The following THSD7A variants were observed in gnomAD, a reference collection of about 807,000 sequenced individuals.
The protein encoded by THSD7A is thrombospondin type-1 domain-containing protein 7A.
THSD7A carries 96 observed loss-of-function variants against 231.3 expected under a neutral mutation model. The observed-to-expected ratio is 0.41, with a 90% CI of 0.35 to 0.49. THSD7A has a LOEUF of 0.49. Ranked by LOEUF, THSD7A falls within the 20% of genes least tolerant of loss-of-function variation. The pLI is 0.05. For missense variants in THSD7A, 2,290 were observed against 2,070.2 expected, an observed-to-expected ratio of 1.11 and a Z score of -2.06; for synonymous variants, 940 against 743.3, an observed-to-expected ratio of 1.26 and a Z score of -4.30.
chr7:11,752,662 T>C (rs1406257618), intron 1 of THSD7A, among the ~76,000 whole-genome samples: 1 of 152,020 alleles, frequency 6.6e-6, no homozygotes, highest in East Asian at 1.9e-4. Flanking sequence ...ACACCTTTAA[T>C]CCCAACACTT....
At position 11,468,704 on chromosome 7, in the gene THSD7A, T is replaced by C. The variant is rs1583798916; in HGVS notation, c.2368+1175A>G. On this transcript the variant is annotated intron_variant, in intron 9 of 27. Transcript: ENST00000423059. ...CAAAAATTAGCCAGGTGTGGTGGCA[T>C]GTGCCTATAGTCTCAGTGACTTGGG... Among the ~76,000 whole-genome samples the C allele has an allele frequency of 2.0e-5, 3 of 152,108 alleles. No individual in the cohort carries two copies. The East Asian group carries it at 5.8e-4, about 30-fold the overall frequency.
chr7:11,487,055 A>G (rs1786687890), intron 6 of THSD7A, among the ~76,000 whole-genome samples: 1 of 152,208 alleles, frequency 6.6e-6, no homozygotes, highest in Non-Finnish European at 1.5e-5. Context: ...TTCTTCAAAA[A>G]TGTAATTTTA....
chr7:11,663,584 T>C (rs533152690), intron 1 of THSD7A, among the ~76,000 whole-genome samples: 42 of 151,698 alleles, frequency 2.8e-4, no homozygotes, highest in African/African-American at 8.0e-4. Context: ...TGAGAAGACA[T>C]ATTACAAGGA....
intron 9 of THSD7A, among the ~76,000 whole-genome samples, chr7:11,466,924 A>G (rs1483315113): frequency 1.3e-5 from 2 of 151,876 alleles, no homozygotes; most frequent in Non-Finnish European, 2.9e-5. Context: ...CATGCCTGCC[A>G]CTCACCACAA....
intron 13 of THSD7A, among the ~76,000 whole-genome samples, chr7:11,436,496 G>GTAAT (rs779534993): frequency 4.6e-5 from 7 of 151,930 alleles, no homozygotes; most frequent in Admixed American, 1.3e-4. Flanking sequence ...TCCCTTTTGG[G>GTAAT]TAATACAAAC....
rs145520394 is a variant in THSD7A at position 11,597,165 on chromosome 7, C to T, written c.1023-3663G>A. Among the ~76,000 whole-genome samples, 431 of 152,232 alleles carry T rather than the reference C, an allele frequency of 2.8e-3. 3 individuals are homozygous for T. The highest frequency in any genetic ancestry group is 9.8e-3 in the African/African-American group (407 of 41,542). On this transcript the variant is annotated intron_variant, in intron 2 of 27. Transcript: ENST00000423059. The stretch of plus-strand genomic sequence containing the variant: ...CATGCTAGAGGATGGGAAATAAATC[C>T]GACTAAAATTCAGGGACCTTCTACC...
rs191658676 is a variant in THSD7A at position 11,457,524 on chromosome 7, A to C, written c.2605+3138T>G. ...GTTGTTTCTATGACTTCAACCTTGC[A>C]CTGCTACAGCAGCATACTAGCTGGC... On this transcript the variant is annotated intron_variant, in intron 11 of 27. Transcript: ENST00000423059. 1.3e-3 allele frequency among the ~76,000 whole-genome samples: 199 copies of C among 152,168 alleles called. 1 individual carries two copies. The highest frequency in any genetic ancestry group is 0.01 in the Middle Eastern group (3 of 294).
chr7:11,804,798 T>C (rs941371490), intron 1 of THSD7A, among the ~76,000 whole-genome samples: 3 of 152,196 alleles, frequency 2.0e-5, no homozygotes, highest in South Asian at 4.1e-4. Context: ...TGCTTGGTAC[T>C]GTTCAGTCCT....
chr7:11,469,225 A>G (rs1785835944), intron 9 of THSD7A, among the ~76,000 whole-genome samples: 1 of 152,160 alleles, frequency 6.6e-6, no homozygotes, highest in Admixed American at 6.5e-5. Context: ...TTATTGCATA[A>G]GTCACCTGGA....
intron 1 of THSD7A, among the ~76,000 whole-genome samples, chr7:11,817,254 C>T (rs553493332): frequency 5.3e-5 from 8 of 152,250 alleles, no homozygotes; most frequent in South Asian, 2.1e-4. Context: ...ACAGCATCAC[C>T]GAGCAGGAAA....
intron 1 of THSD7A, among the ~76,000 whole-genome samples, chr7:11,819,588 A>C (rs1244163208): frequency 6.6e-6 from 1 of 152,214 alleles, no homozygotes; most frequent in Non-Finnish European, 1.5e-5. Context: ...GTATGATTCC[A>C]ACTATATAAC....
chr7:11,555,710 C>G (rs1789817332), intron 4 of THSD7A, among the ~76,000 whole-genome samples: 1 of 151,502 alleles, frequency 6.6e-6, no homozygotes, highest in African/African-American at 2.4e-5. Flanking sequence ...GTCTATTTCT[C>G]CTTTCAGTTC....
intron 4 of THSD7A, among the ~76,000 whole-genome samples, chr7:11,567,653 T>A (rs1790418430): frequency 1.3e-5 from 2 of 152,194 alleles, no homozygotes; most frequent in Admixed American, 1.3e-4. Context: ...TTAGGGTAAC[T>A]GTTTTCAGGT....
At chr7:11,819,866 C>T (rs1784816542) in intron 1 of THSD7A, among the ~76,000 whole-genome samples, 1 of 152,108 alleles carries the variant, frequency 6.6e-6, no homozygotes, top group Non-Finnish European at 1.5e-5. Flanking sequence ...AACAAATGTA[C>T]CACACTAGCG....
Position 11,406,522 on chromosome 7 carries a change from T to C in THSD7A, c.4063-48A>G. 1 of 1,511,576 alleles carries C rather than the reference T, an allele frequency of 6.6e-7. No individual in the cohort carries two copies. The highest frequency in any genetic ancestry group is 8.9e-7 in the Non-Finnish European group (1 of 1,124,246). The allele number at this position is 1,511,576 out of a possible 1,614,324, so 93.6% of individuals were successfully genotyped here. On this transcript the variant is annotated intron_variant, in intron 21 of 27. Transcript: ENST00000423059. This position sits in a 1 kb window ranked among gnomAD's most constrained non-coding sequence, Gnocchi z 4.7. ...TAATTAGAAAAAGAGAAATACTTCA[T>C]TAGAGAGCTCATCACTTAGTTATCT...
chr7:11,689,736 T>C (rs970500613), intron 1 of THSD7A, among the ~76,000 whole-genome samples: 2 of 150,218 alleles, frequency 1.3e-5, no homozygotes, highest in Admixed American at 6.7e-5. Flanking sequence ...CTATCCATAG[T>C]AAATGGGGTG....
At chr7:11,741,726 T>C (rs1487138419) in intron 1 of THSD7A, among the ~76,000 whole-genome samples, 1 of 150,524 alleles carries the variant, frequency 6.6e-6, no homozygotes, top group African/African-American at 2.5e-5. Flanking sequence ...AAGTCAATTT[T>C]TGAATAACTA....
intron 2 of THSD7A, among the ~76,000 whole-genome samples, chr7:11,600,209 G>T (rs1309758651): frequency 1.3e-5 from 2 of 151,894 alleles, no homozygotes; most frequent in African/African-American, 4.8e-5. Flanking sequence ...AAATTAATAT[G>T]TGCCTAAACA....
chr7:11,692,231 A>C (rs1313243164), intron 1 of THSD7A, among the ~76,000 whole-genome samples: 1 of 151,610 alleles, frequency 6.6e-6, no homozygotes, highest in African/African-American at 2.4e-5. Flanking sequence ...TGGATTGGGC[A>C]TAATTACAGT....
Sources: gnomAD v4.1 joint callset for allele counts (sites outside exome capture counted in the v4.1 genomes callset) on GRCh38, gnomAD v4.1.1 for gene constraint, Gnocchi (gnomAD v3.1) non-coding constraint, MANE v1.5 for transcripts, NCBI Gene and HGNC (gene_info 2026-07-23, HGNC 2026-07-21) for gene names.